Variants in SENP1 observed in about 807,000 individuals in gnomAD.
The protein encoded by SENP1 is sentrin-specific protease 1.
In SENP1, 21 loss-of-function variants were observed where a neutral mutation model predicts 93.0. The observed-to-expected ratio is 0.23, with a 90% CI of 0.16 to 0.33. The LOEUF (loss-of-function observed/expected upper bound fraction) is 0.33, where lower values mean the gene tolerates loss of function less well. Among genes scored for constraint, SENP1 ranks in the 10% least tolerant of loss-of-function variants. The pLI, the probability that SENP1 is intolerant of heterozygous loss-of-function variation, is 1.00. For synonymous variants in SENP1, 256 were observed against 259.6 expected, an observed-to-expected ratio of 0.99 and a Z score of 0.13; for missense variants, 591 against 758.7, an observed-to-expected ratio of 0.78 and a Z score of 2.60.
At chr12:48,105,487 G>C in intron 1 of SENP1, 1 of 519,134 alleles carries the variant, frequency 1.9e-6, no homozygotes, top group South Asian at 1.4e-5. Flanking sequence ...GTTTCTTTCT[G>C]ATGGTGGCAC....
chr12:48,072,185 A>C (rs1943751793), intron 8 of SENP1, among the ~76,000 whole-genome samples: 1 of 152,166 alleles, frequency 6.6e-6, no homozygotes, highest in South Asian at 2.1e-4. Flanking sequence ...ATTCCAAGTA[A>C]TGTGATAAAA....
At chr12:48,081,010 G>C (rs1012907151) in intron 6 of SENP1, among the ~76,000 whole-genome samples, 1 of 152,160 alleles carries the variant, frequency 6.6e-6, no homozygotes, top group African/African-American at 2.4e-5. Context: ...GCTGGCAGAG[G>C]AGGCAAAAGA....
intron 3 of SENP1, 84 bp from the exon 4 acceptor site, chr12:48,096,511 A>AGTGGTGTGAT: frequency 1.3e-6 from 1 of 794,944 alleles, no homozygotes; most frequent in Non-Finnish European, 2.1e-6. Context: ...GCTGGAGTAC[A>AGTGGTGTGAT]CCGGCACAAT....
chr12:48,057,937 TC>T (rs1215341715), intron 13 of SENP1, among the ~76,000 whole-genome samples: 18 of 126,896 alleles, frequency 1.4e-4, no homozygotes, highest in African/African-American at 5.0e-4. Context: ...TCATTTTATT[TC>T]CTCTTTTTTT....
At chr12:48,061,484 T>C (rs1394368659) in intron 13 of SENP1, among the ~76,000 whole-genome samples, 3 of 152,180 alleles carry the variant, frequency 2.0e-5, no homozygotes, top group African/African-American at 7.2e-5. Context: ...CATAGCTCAC[T>C]ATAAACTCAA....
At chr12:48,064,957 G>C in intron 12 of SENP1, 108 bp downstream of exon 12, 1 of 783,230 alleles carries the variant, frequency 1.3e-6, no homozygotes, top group Non-Finnish European at 2.1e-6. Context: ...GATTACAGGC[G>C]TGAGCCACCG....
rs998540797 is a variant in SENP1 at position 48,043,338 on chromosome 12, A to C, written c.*1984T>G. ...TAAGACAGATGTTACCTAAATGGACAAACAATAAATACAGAGAACAATCTT... is the reference window on the plus strand; with the variant it reads ...TAAGACAGATGTTACCTAAATGGACCAACAATAAATACAGAGAACAATCTT... On this transcript the variant is annotated 3_prime_UTR_variant, in exon 18 of 18. Transcript: ENST00000549518. 13 of 152,708 alleles carry C rather than the reference A, an allele frequency of 8.5e-5. No individual in the cohort carries two copies. The highest frequency in any genetic ancestry group is 1.9e-4 in the Non-Finnish European group (13 of 68,056). The allele number at this position is 152,708 out of a possible 1,614,324, so 9.5% of individuals were successfully genotyped here.
intron 13 of SENP1, among the ~76,000 whole-genome samples, chr12:48,055,854 A>G (rs1358597386): frequency 2.1e-5 from 3 of 143,426 alleles, no homozygotes; most frequent in Non-Finnish European, 4.5e-5. Flanking sequence ...ATTAATGTAT[A>G]AGGTATAATA....
intron 13 of SENP1, among the ~76,000 whole-genome samples, chr12:48,058,272 T>C (rs1413706241): frequency 6.6e-6 from 1 of 152,178 alleles, no homozygotes; most frequent in Non-Finnish European, 1.5e-5. Flanking sequence ...AAGTAACTAT[T>C]AGACAATTTA....
At chr12:48,064,708 G>A (rs187222093) in intron 12 of SENP1, among the ~76,000 whole-genome samples, 2 of 152,162 alleles carry the variant, frequency 1.3e-5, no homozygotes, top group African/African-American at 4.8e-5. Context: ...ATGGAGTCTT[G>A]CTCTGTCACC....
At chr12:48,089,336 G>A in intron 4 of SENP1, 1 of 1,335,714 alleles carries the variant, frequency 7.5e-7, no homozygotes, top group Non-Finnish European at 9.8e-7. Context: ...CAGGTGGGGG[G>A]CCAGTGAGAA....
At chr12:48,083,835 A>T in intron 5 of SENP1, 73 bp from the exon 6 acceptor site, 1 of 1,132,764 alleles carries the variant, frequency 8.8e-7, no homozygotes, top group Middle Eastern at 2.2e-4. Flanking sequence ...GATTATTTTC[A>T]CTTTCAAAAT....
intron 13 of SENP1, among the ~76,000 whole-genome samples, chr12:48,052,225 T>C (rs1004225347): frequency 1.6e-4 from 25 of 152,230 alleles, no homozygotes; most frequent in African/African-American, 5.8e-4. Flanking sequence ...AAACGACCAA[T>C]GCTATTTGTA....
chr12:48,085,196 C>A, intron 5 of SENP1: 1 of 1,482,376 alleles, frequency 6.7e-7, no homozygotes, highest in Non-Finnish European at 9.4e-7. Context: ...ATACGACCAT[C>A]AATGAGATCG....
intron 4 of SENP1, among the ~76,000 whole-genome samples, chr12:48,090,860 C>T (rs1050366156): frequency 4.6e-5 from 7 of 152,200 alleles, no homozygotes; most frequent in East Asian, 3.9e-4. Flanking sequence ...GGTCTCCCAA[C>T]GGCAAAGTAC....
At chr12:48,095,240 T>C (rs532794050) in intron 4 of SENP1, among the ~76,000 whole-genome samples, 1 of 152,178 alleles carries the variant, frequency 6.6e-6, no homozygotes, top group South Asian at 2.1e-4. Flanking sequence ...TCCCAATTTA[T>C]CCTTATAAAA....
At chr12:48,049,480 G>A (rs1184285835) in intron 13 of SENP1, among the ~76,000 whole-genome samples, 1 of 152,192 alleles carries the variant, frequency 6.6e-6, no homozygotes. Flanking sequence ...AGGCATGCAA[G>A]CAGTTTAATA....
chr12:48,064,218 A>T (rs925702008), intron 12 of SENP1, among the ~76,000 whole-genome samples: 9 of 152,254 alleles, frequency 5.9e-5, no homozygotes, highest in African/African-American at 2.2e-4. Flanking sequence ...AAAGGTAGTA[A>T]GAGAGTAAAG....
chr12:48,067,466 G>A (rs1459825331), intron 9 of SENP1, among the ~76,000 whole-genome samples: 1 of 152,168 alleles, frequency 6.6e-6, no homozygotes, highest in African/African-American at 2.4e-5. Context: ...GGTCCATGTG[G>A]CTCTGCTGAC....
Sources: gnomAD v4.1 joint callset for allele counts (sites outside exome capture counted in the v4.1 genomes callset) on GRCh38, gnomAD v4.1.1 for gene constraint, MANE v1.5 for transcripts, NCBI Gene and HGNC (gene_info 2026-07-23, HGNC 2026-07-21) for gene names.